Variants in MT1X observed in about 807,000 individuals in gnomAD.
MT1X encodes the protein metallothionein-1X.
Under a neutral mutation model 8.6 loss-of-function variants are expected in MT1X, and 7 were observed. The ratio of observed to expected loss-of-function variants is 0.81; its 90% CI spans 0.46 to 1.52. The LOEUF (loss-of-function observed/expected upper bound fraction) is 1.52. Ranked by LOEUF, MT1X falls within the 40% of genes most tolerant of loss-of-function variation. MT1X has a pLI of 0.01. For missense variants in MT1X, 72 were observed against 74.3 expected, an observed-to-expected ratio of 0.97 and a Z score of 0.11; for synonymous variants, 25 against 27.6, an observed-to-expected ratio of 0.91 and a Z score of 0.30.
chr16:56,682,495 C>G lies in MT1X; in HGVS notation c.-46C>G, dbSNP rs769139923. The G allele has an allele frequency of 6.2e-7, 1 of 1,610,754 alleles. No homozygotes were observed. The highest frequency in any genetic ancestry group is 1.3e-5 in the African/African-American group (1 of 74,824). On this transcript the variant is annotated 5_prime_UTR_variant, in exon 1 of 3. Coordinates refer to ENST00000394485, the MANE Select transcript of MT1X (RefSeq NM_005952.4). ...ACCACGCTTTTCATCTGTCCCGCTG[C>G]GTGTTTTCCTCTTGATCGGGAACTC... is the stretch of plus-strand genomic sequence containing the variant.
At chr16:56,683,572 A>G (rs557558367) in intron 2 of MT1X, 79 of 386,074 alleles carry the variant, frequency 2.0e-4, no homozygotes, top group Non-Finnish European at 2.9e-5. Flanking sequence ...TTCAAACCTA[A>G]TGATCCAGTC....
At position 56,683,840 on chromosome 16, in the gene MT1X, C is replaced by T. The variant is rs1961030771; in HGVS notation, c.95-118C>T. On this transcript the variant is annotated intron_variant, in intron 2 of 2. Coordinates refer to ENST00000394485, the MANE Select transcript of MT1X (RefSeq NM_005952.4). ...CCAGTTCTCTTCTGACAAAGCCATG[C>T]CATCCTGAAATGATGGTCCTCTGGG... The T allele has an allele frequency of 7.7e-6, 11 of 1,424,170 alleles. No homozygotes were observed. In the South Asian group the frequency reaches 1.3e-4, roughly 17 times the overall value. The allele number at this position is 1,424,170 out of a possible 1,614,324, so 88.2% of individuals were successfully genotyped here. A position where few individuals can be genotyped will look rare whatever the true frequency, so the allele number is the denominator to read the frequency against.
chr16:56,682,640 A>C, intron 1 of MT1X, 72 bp downstream of exon 1: 1 of 1,576,042 alleles, frequency 6.3e-7, no homozygotes, highest in Non-Finnish European at 8.7e-7. Flanking sequence ...CCTGGGTTTG[A>C]AGAAGTCGCA....
In MT1X at chr16:56,683,976, C is replaced by T. The variant is rs768737095; in HGVS notation, c.113C>T (p.Pro38Leu). 1.9e-6 allele frequency: 3 copies of T among 1,614,006 alleles called. No homozygotes were observed. The highest frequency in any genetic ancestry group is 1.3e-5 in the African/African-American group (1 of 74,922). The change falls in exon 3 of 3, where the codon CCT (proline) becomes CTT (leucine). Residue 38 changes from proline (P) to leucine (L), a missense_variant. Pro to Leu is a moderately conservative substitution (Grantham distance 98). Transcript: ENST00000394485. The stretch of plus-strand genomic sequence containing the variant: ...TCTCCAGGCTGCTGCTCCTGCTGCC[C>T]TGTGGGCTGTGCCAAGTGTGCCCAG... ...SCKKSCCSCC[P>L]VGCAKCAQGC...
At chr16:56,683,766 G>T in intron 2 of MT1X, 192 bp from the exon 3 acceptor site, 1 of 778,842 alleles carries the variant, frequency 1.3e-6, no homozygotes, top group Non-Finnish European at 2.1e-6. Context: ...CCCAGACTCA[G>T]GTGGGGCTGG....
chr16:56,683,329 C>A, intron 2 of MT1X, 99 bp downstream of exon 2: 1 of 1,383,152 alleles, frequency 7.2e-7, no homozygotes. Flanking sequence ...ACCAGCTTCC[C>A]CAAACCCCTC....
intron 2 of MT1X, chr16:56,683,696 G>A (rs1350091459): frequency 2.0e-6 from 1 of 502,442 alleles, no homozygotes; most frequent in African/African-American, 2.0e-5. Context: ...AGGTTTTGGG[G>A]AACTGGCCTC....
At chr16:56,682,801 G>T (rs1233040796) in intron 1 of MT1X, 1 of 612,964 alleles carries the variant, frequency 1.6e-6, no homozygotes, top group Middle Eastern at 4.4e-4. Flanking sequence ...TCACCCAGTT[G>T]GTCAGGGGGC....
At position 56,683,200 on chromosome 16, in the gene MT1X, A is replaced by T. The variant is rs376283692; in HGVS notation, c.64A>T (p.Lys22Ter). 47 of 1,613,860 alleles carry T rather than the reference A, an allele frequency of 2.9e-5. No homozygotes were observed. The highest frequency in any genetic ancestry group is 3.8e-5 in the Non-Finnish European group (45 of 1,179,908). The change falls in exon 2 of 3, where the codon AAA (lysine) becomes TAA (stop). Residue 22 changes from lysine to a stop codon, truncating the protein, a stop_gained. Coordinates refer to ENST00000394485, the MANE Select transcript of MT1X (RefSeq NM_005952.4). LOFTEE classifies it high-confidence loss of function. Reference protein sequence around the residue: ...SCACAGSCKCKECKCTSCKKS... With the variant: ...SCACAGSCKC ...TGCCTGTGCCGGCTCCTGCAAATGCAAAGAGTGCAAATGCACCTCCTGCAA... is the reference window on the plus strand; with the variant it reads ...TGCCTGTGCCGGCTCCTGCAAATGCTAAGAGTGCAAATGCACCTCCTGCAA...
In MT1X at chr16:56,683,290, A is replaced by C. The variant is rs149181278; in HGVS notation, c.94+60A>C. On this transcript the variant is annotated intron_variant, in intron 2 of 2. Transcript: ENST00000394485. Reference sequence around the variant, plus strand: ...TGGGCCAAGTTAGAGCAGGGAACCCAGAGCTCTGCAGGCAGGGGCAGGCCA... The same window carrying C: ...TGGGCCAAGTTAGAGCAGGGAACCCCGAGCTCTGCAGGCAGGGGCAGGCCA... 1.0e-3 allele frequency: 1,663 copies of C among 1,599,528 alleles called. 13 individuals carry two copies. In the African/African-American group the frequency reaches 0.019, roughly 18 times the overall value.
Position 56,682,499 on chromosome 16 carries a change from T to C in MT1X, c.-42T>C, listed in dbSNP as rs764102713. On this transcript the variant is annotated 5_prime_UTR_variant, in exon 1 of 3. Transcript: ENST00000394485. ...CGCTTTTCATCTGTCCCGCTGCGTGTTTTCCTCTTGATCGGGAACTCCTGC... is the reference window on the plus strand; with the variant it reads ...CGCTTTTCATCTGTCCCGCTGCGTGCTTTCCTCTTGATCGGGAACTCCTGC... 1.9e-6 allele frequency: 3 copies of C among 1,613,118 alleles called. No homozygotes were observed. Among genetic ancestry groups the C allele is most frequent in the African/African-American group, 1.3e-5 (1 of 74,896 alleles).
intron 2 of MT1X, 120 bp downstream of exon 2, chr16:56,683,350 T>C (rs1046948635): frequency 3.8e-5 from 44 of 1,160,246 alleles, no homozygotes; most frequent in Admixed American, 6.3e-5. Flanking sequence ...CTTCAACACC[T>C]GATTCAGAAT....
Position 56,683,056 on chromosome 16 carries a change from T to TG in MT1X, c.29-104dup, listed in dbSNP as rs1164583516. The TG allele has an allele frequency of 2.8e-5, 37 of 1,328,338 alleles. No homozygotes were observed. The Admixed American group carries it at 6.1e-4, about 22-fold the overall frequency. 82.3% of individuals were successfully genotyped at this position (1,328,338 alleles called of 1,614,324 possible). A position where few individuals can be genotyped will look rare whatever the true frequency, so the allele number is the denominator to read the frequency against. On this transcript the variant is annotated intron_variant, in intron 1 of 2. Coordinates refer to ENST00000394485, the MANE Select transcript of MT1X (RefSeq NM_005952.4). Reference sequence around the variant, plus strand: ...TCTCCCCTGAGTGGGAAAGGAGCTCTGGGGGCTGGTCCTTCAGCACAGAGG... The same window carrying TG: ...TCTCCCCTGAGTGGGAAAGGAGCTCTGGGGGGCTGGTCCTTCAGCACAGAGG...
rs1216621703 is a variant in MT1X, at chr16:56,684,068, C to G, written c.*19C>G. 6.2e-7 allele frequency: 1 copy of G among 1,606,030 alleles called. No individual in the cohort carries two copies. Among genetic ancestry groups the G allele is most frequent in the African/African-American group, 1.4e-5 (1 of 73,940 alleles). ...TGCCTGATGCCAGGACAGCTGTGCT[C>G]TCAGATGTAAATAGAGCAACCTATA... On this transcript the variant is annotated 3_prime_UTR_variant, in exon 3 of 3. Transcript: ENST00000394485.
Position 56,682,670 on chromosome 16 carries a change from G to A in MT1X, c.28+102G>A. ...GTCGCATTTAAAGTTCTGAGCTGAAGGGGCTCCTTTATTTCGTTAGGTGCT... is the reference window on the plus strand; with the variant it reads ...GTCGCATTTAAAGTTCTGAGCTGAAAGGGCTCCTTTATTTCGTTAGGTGCT... On this transcript the variant is annotated intron_variant, in intron 1 of 2. Coordinates refer to ENST00000394485, the MANE Select transcript of MT1X (RefSeq NM_005952.4). The A allele has an allele frequency of 3.5e-6, 5 of 1,420,912 alleles. No homozygotes were observed. In the South Asian group the frequency reaches 3.6e-5, roughly 10 times the overall value. 88.0% of individuals were successfully genotyped at this position (1,420,912 alleles called of 1,614,324 possible).
rs546233538 is a variant in MT1X at position 56,682,693 on chromosome 16, G to C, written c.28+125G>C. ...AAGGGGCTCCTTTATTTCGTTAGGT[G>C]CTTTCTTCCCGATCACGTCCCTGAG... On this transcript the variant is annotated intron_variant, in intron 1 of 2. Coordinates refer to ENST00000394485, the MANE Select transcript of MT1X (RefSeq NM_005952.4). 3.3e-6 allele frequency: 4 copies of C among 1,222,394 alleles called. No individual in the cohort carries two copies. The South Asian group carries it at 5.3e-5, about 16-fold the overall frequency. 75.7% of individuals were successfully genotyped at this position (1,222,394 alleles called of 1,614,324 possible).
intron 2 of MT1X, 85 bp from the exon 3 acceptor site, chr16:56,683,873 G>T: frequency 6.4e-7 from 1 of 1,571,740 alleles, no homozygotes; most frequent in Middle Eastern, 1.9e-4. Flanking sequence ...GGGGCTGGAG[G>T]CAGGGCTCGA....
Position 56,682,488 on chromosome 16 carries a change from C to T in MT1X, c.-53C>T, listed in dbSNP as rs1269290221. ...GGGCTCCACCACGCTTTTCATCTGTCCCGCTGCGTGTTTTCCTCTTGATCG... is the reference window on the plus strand; with the variant it reads ...GGGCTCCACCACGCTTTTCATCTGTTCCGCTGCGTGTTTTCCTCTTGATCG... On this transcript the variant is annotated 5_prime_UTR_variant, in exon 1 of 3. Transcript: ENST00000394485. The T allele has an allele frequency of 6.2e-7, 1 of 1,609,470 alleles. No homozygotes were observed. Among genetic ancestry groups the T allele is most frequent in the African/African-American group, 1.3e-5 (1 of 74,788 alleles).
At position 56,684,021 on chromosome 16, in the gene MT1X, C is replaced by G. The variant is rs567007771; in HGVS notation, c.158C>G (p.Thr53Arg). The change falls in exon 3 of 3, where the codon ACG (threonine) becomes AGG (arginine). Residue 53 changes from threonine (T) to arginine (R), a missense_variant. Thr to Arg is a moderately conservative substitution (Grantham distance 71). Coordinates refer to ENST00000394485, the MANE Select transcript of MT1X (RefSeq NM_005952.4). ...KCAQGCICKG[T>R]SDKCSCCA ...GCCCAGGGCTGCATCTGCAAAGGGA[C>G]GTCAGACAAGTGCAGCTGCTGTGCC... is the stretch of plus-strand genomic sequence containing the variant. 6.2e-7 allele frequency: 1 copy of G among 1,613,690 alleles called. No homozygotes were observed. Among genetic ancestry groups the G allele is most frequent in the Non-Finnish European group, 8.5e-7 (1 of 1,179,912 alleles).
Sources: allele counts gnomAD v4.1 joint callset, GRCh38; gene constraint gnomAD v4.1.1; transcripts MANE v1.5; gene names NCBI Gene and HGNC (gene_info 2026-07-23, HGNC 2026-07-21).